Variants in AGBL4 observed in about 807,000 individuals in gnomAD.
The protein encoded by AGBL4 is cytosolic carboxypeptidase 6.
AGBL4 carries 58 observed loss-of-function variants against 66.4 expected under a neutral mutation model. That is an observed-to-expected ratio of 0.87 (90% CI 0.71 to 1.09). The LOEUF (loss-of-function observed/expected upper bound fraction) is 1.09, where lower values mean the gene tolerates loss of function less well. Among genes scored for constraint, AGBL4 ranks in the 50% least tolerant of loss-of-function variants. The pLI, the probability that AGBL4 is intolerant of heterozygous loss-of-function variation, is 0.00. For missense variants in AGBL4, 579 were observed against 631.0 expected (o/e 0.92, Z 0.88); for synonymous variants, 234 against 222.9 (o/e 1.05, Z -0.44).
At position 49,881,516 on chromosome 1, in the gene AGBL4, G is replaced by C. The variant is rs1196914987; in HGVS notation, c.35-29998C>G. Among the ~76,000 whole-genome samples the C allele has an allele frequency of 1.4e-3, 207 of 149,914 alleles. 1 individual carries two copies. Among genetic ancestry groups the C allele is most frequent in the African/African-American group, 4.8e-3 (194 of 40,834 alleles). On this transcript the variant is annotated intron_variant, in intron 1 of 13. Coordinates refer to ENST00000371839, the MANE Select transcript of AGBL4 (RefSeq NM_032785.4). ...ACAGTCCCACCAACAGTGTAAAAGT[G>C]TTCCTATTTCTCCACATCCTCTCCA... is the stretch of plus-strand genomic sequence containing the variant.
At chr1:48,855,342 A>G (rs976972769) in intron 6 of AGBL4, among the ~76,000 whole-genome samples, 1 of 152,224 alleles carries the variant, frequency 6.6e-6, no homozygotes, top group African/African-American at 2.4e-5. Flanking sequence ...CTCAGGACAA[A>G]TACCTTAGGA....
chr1:49,784,814 T>C (rs939381690), intron 2 of AGBL4, among the ~76,000 whole-genome samples: 2 of 151,854 alleles, frequency 1.3e-5, no homozygotes, highest in African/African-American at 4.8e-5. Flanking sequence ...AAAAAATATA[T>C]ACAAATGGAA....
At chr1:49,683,856 T>G (rs896987464) in intron 3 of AGBL4, among the ~76,000 whole-genome samples, 3 of 152,198 alleles carry the variant, frequency 2.0e-5, no homozygotes, top group Non-Finnish European at 4.4e-5. Context: ...ACACACTTGA[T>G]GAAAATTTGC....
intron 3 of AGBL4, among the ~76,000 whole-genome samples, chr1:49,593,678 C>A (rs1644798042): frequency 6.6e-6 from 1 of 152,076 alleles, no homozygotes; most frequent in African/African-American, 2.4e-5. Context: ...GGTTACATAA[C>A]CTTTGTCTTC....
intron 5 of AGBL4, among the ~76,000 whole-genome samples, chr1:48,972,287 T>C (rs1658971980): frequency 6.6e-6 from 1 of 152,134 alleles, no homozygotes; most frequent in South Asian, 2.1e-4. Context: ...AGTCCATCCG[T>C]ATCTTCTCAT....
chr1:49,632,249 C>G (rs542316983), intron 3 of AGBL4, among the ~76,000 whole-genome samples: 1 of 152,206 alleles, frequency 6.6e-6, no homozygotes, highest in Non-Finnish European at 1.5e-5. Flanking sequence ...AACATGGAAA[C>G]CCTTTTATTC....
chr1:49,356,526 A>G (rs1437361163), intron 3 of AGBL4, among the ~76,000 whole-genome samples: 5 of 152,198 alleles, frequency 3.3e-5, no homozygotes, highest in Non-Finnish European at 5.9e-5. Context: ...CCACCTCACC[A>G]TCTCAAAATG....
chr1:49,031,831 A>G (rs1336232331), intron 5 of AGBL4, among the ~76,000 whole-genome samples: 1 of 152,162 alleles, frequency 6.6e-6, no homozygotes, highest in Non-Finnish European at 1.5e-5. Flanking sequence ...CCTTGTCCTC[A>G]TGGAGTTTAA....
At chr1:49,232,407 A>G (rs1650385042) in intron 4 of AGBL4, among the ~76,000 whole-genome samples, 1 of 152,104 alleles carries the variant, frequency 6.6e-6, no homozygotes, top group South Asian at 2.1e-4. Context: ...TAAAAGGACT[A>G]CAGAAAGTTG....
At chr1:49,013,948 C>A (rs1662636040) in intron 5 of AGBL4, among the ~76,000 whole-genome samples, 1 of 152,146 alleles carries the variant, frequency 6.6e-6, no homozygotes, top group Non-Finnish European at 1.5e-5. Flanking sequence ...TTCTTGTCCT[C>A]TTTTATATTA....
intron 3 of AGBL4, among the ~76,000 whole-genome samples, chr1:49,557,467 G>A (rs2883931): frequency 3.3e-5 from 5 of 152,066 alleles, no homozygotes; most frequent in Non-Finnish European, 2.9e-5. Flanking sequence ...GTCTCTGGGC[G>A]CTGGGGAAGG....
At chr1:49,397,593 T>C (rs1429343015) in intron 3 of AGBL4, among the ~76,000 whole-genome samples, 1 of 152,124 alleles carries the variant, frequency 6.6e-6, no homozygotes, top group Non-Finnish European at 1.5e-5. Flanking sequence ...AGAAGAGTAT[T>C]TAGGTAAAAA....
chr1:49,133,951 C>T (rs561228626), intron 4 of AGBL4, among the ~76,000 whole-genome samples: 16 of 151,784 alleles, frequency 1.1e-4, no homozygotes, highest in South Asian at 2.1e-4. Flanking sequence ...ATGTATCGGG[C>T]GAACCAGCCC....
At chr1:49,321,724 G>A (rs1193729940) in intron 3 of AGBL4, among the ~76,000 whole-genome samples, 2 of 152,140 alleles carry the variant, frequency 1.3e-5, no homozygotes, top group East Asian at 1.9e-4. Flanking sequence ...ATGTTCATAC[G>A]ATGGAATAAT....
In AGBL4 at chr1:49,045,663, G is replaced by A. The variant is rs755354191; in HGVS notation, c.515C>T (p.Thr172Ile). The A allele has an allele frequency of 5.0e-6, 8 of 1,587,824 alleles. No homozygotes were observed. The highest frequency in any genetic ancestry group is 3.5e-5 in the Admixed American group (2 of 56,652). ...QFAYCYPYTYTRFQHYLDSLQ... is the reference protein window; with the variant it reads ...QFAYCYPYTYIRFQHYLDSLQ... ...GCTGTCAAGGTAATGTTGGAAGCGA[G>A]TGTATGTATATGGGTAGCAGTAAGC... Residue 172 changes from threonine to isoleucine, a missense_variant, in exon 5 of 14, where the codon ACT (threonine) becomes ATT (isoleucine). Physicochemically the swap from Thr to Ile is moderately conservative, Grantham distance 89 (BLOSUM62 -1). Coordinates refer to ENST00000371839, the MANE Select transcript of AGBL4 (RefSeq NM_032785.4).
rs140828607 is a variant in AGBL4, at chr1:48,996,778, C to T, written c.594+48806G>A. ...ATGAAGTAGAGAAATGATTTATAGC[C>T]AGAGGAAAATGTGGGGCCAAGGAAT... On this transcript the variant is annotated intron_variant, in intron 5 of 13. Transcript: ENST00000371839. 1.9e-3 allele frequency among the ~76,000 whole-genome samples: 281 copies of T among 148,236 alleles called. 2 individuals are homozygous for T. Among genetic ancestry groups the T allele is most frequent in the African/African-American group, 6.8e-3 (266 of 39,210 alleles).
chr1:49,299,816 TATTCC>T (rs1644710419), intron 3 of AGBL4, among the ~76,000 whole-genome samples: 1 of 152,180 alleles, frequency 6.6e-6, no homozygotes, highest in African/African-American at 2.4e-5. Flanking sequence ...ACTTTCTTTC[TATTCC>T]TAGTTTTCTG....
intron 2 of AGBL4, among the ~76,000 whole-genome samples, chr1:49,750,901 G>A (rs1445925321): frequency 6.6e-6 from 1 of 152,034 alleles, no homozygotes; most frequent in Non-Finnish European, 1.5e-5. Flanking sequence ...TCTATTATTT[G>A]TGTATACAAA....
chr1:48,933,990 G>A (rs1018706556), intron 5 of AGBL4, among the ~76,000 whole-genome samples: 13 of 152,174 alleles, frequency 8.5e-5, no homozygotes, highest in Non-Finnish European at 1.3e-4. Flanking sequence ...AGGTTCCCTC[G>A]TTGACGTTGC....
Sources: gnomAD v4.1 joint callset for allele counts (sites outside exome capture counted in the v4.1 genomes callset) on GRCh38, gnomAD v4.1.1 for gene constraint, MANE v1.5 for transcripts, NCBI Gene and HGNC (gene_info 2026-07-23, HGNC 2026-07-21) for gene names.